The following GGA3 variants were observed in gnomAD, a reference collection of about 807,000 sequenced individuals.
The protein encoded by GGA3 is ADP-ribosylation factor-binding protein GGA3.
Under a neutral mutation model 77.5 loss-of-function variants are expected in GGA3, and 57 were observed. That is an observed-to-expected ratio of 0.74 (90% CI 0.59 to 0.92). The LOEUF (loss-of-function observed/expected upper bound fraction) is 0.92. Among genes scored for constraint, GGA3 ranks in the 40% least tolerant of loss-of-function variants. The probability of loss-of-function intolerance (pLI) is 0.00; values close to 1 mark genes in which losing one functional copy is unlikely to be tolerated. For synonymous variants in GGA3, 416 were observed against 383.7 expected, an observed-to-expected ratio of 1.08 and a Z score of -0.98; for missense variants, 970 against 914.9, an observed-to-expected ratio of 1.06 and a Z score of -0.78.
At chr17:75,261,331 A>G (rs765597846) in intron 1 of GGA3, among the ~76,000 whole-genome samples, 65 of 152,242 alleles carry the variant, frequency 4.3e-4, no homozygotes, top group Non-Finnish European at 9.3e-4. Flanking sequence ...CGCGCGCCAG[A>G]GCAAGAGGAC....
At chr17:75,253,590 C>G (rs1598436327) in intron 1 of GGA3, among the ~76,000 whole-genome samples, 2 of 152,208 alleles carry the variant, frequency 1.3e-5, no homozygotes, top group Admixed American at 6.5e-5. Flanking sequence ...GGGCAAGTAC[C>G]CCTCAACCCC....
At chr17:75,250,816 G>A (rs931588347) in intron 1 of GGA3, among the ~76,000 whole-genome samples, 5 of 145,320 alleles carry the variant, frequency 3.4e-5, no homozygotes, top group Admixed American at 1.4e-4. Context: ...GGTGGCTCAC[G>A]CCTGTAATCC....
rs988513513 is a variant in GGA3, at chr17:75,238,037, C to T, written c.*242G>A. 2.3e-6 allele frequency: 3 copies of T among 1,313,732 alleles called. No individual in the cohort carries two copies. Among genetic ancestry groups the T allele is most frequent in the African/African-American group, 1.5e-5 (1 of 66,636 alleles). 81.4% of individuals were successfully genotyped at this position (1,313,732 alleles called of 1,614,324 possible). A position where few individuals can be genotyped will look rare whatever the true frequency, so the allele number is the denominator to read the frequency against. ...AGCAGTGAAGTCAGGGGCCACTCCGCACCCCTGACAGCATATGGCCACTTC... is the reference window on the plus strand; with the variant it reads ...AGCAGTGAAGTCAGGGGCCACTCCGTACCCCTGACAGCATATGGCCACTTC... On this transcript the variant is annotated 3_prime_UTR_variant, in exon 17 of 17. Coordinates refer to ENST00000537686, the MANE Select transcript of GGA3 (RefSeq NM_138619.4).
intron 3 of GGA3, among the ~76,000 whole-genome samples, chr17:75,245,957 G>A (rs993740559): frequency 5.9e-5 from 9 of 152,158 alleles, no homozygotes; most frequent in Non-Finnish European, 1.0e-4. Context: ...CTCAGATCTC[G>A]GCTGCTCTTT....
At chr17:75,249,078 C>T (rs1292650613) in intron 1 of GGA3, 1 of 848,100 alleles carries the variant, frequency 1.2e-6, no homozygotes, top group Non-Finnish European at 1.4e-6. Context: ...TTGAGTCTCG[C>T]TGTGTCACCC....
chr17:75,239,585 A>G lies in GGA3; in HGVS notation c.1584-14T>C. ...AAGCCCGAGGTCCTGGGAGGTGGGA[A>G]GGATGGAAAGCACGTCAGAGAGCCA... On this transcript the variant is annotated splice_polypyrimidine_tract_variant and intron_variant, in intron 13 of 16. Transcript: ENST00000537686. 1 of 1,549,526 alleles carries G rather than the reference A, an allele frequency of 6.5e-7. No homozygotes were observed. Among genetic ancestry groups the G allele is most frequent in the Non-Finnish European group, 8.7e-7 (1 of 1,144,204 alleles).
At chr17:75,240,477 G>T in intron 11 of GGA3, 65 bp from the exon 12 acceptor site, 1 of 1,049,666 alleles carries the variant, frequency 9.5e-7, no homozygotes, top group Non-Finnish European at 1.4e-6. Context: ...GCCCCGCCTT[G>T]CCTGAGGAGG....
At chr17:75,251,450 G>A (rs578245101) in intron 1 of GGA3, among the ~76,000 whole-genome samples, 31 of 152,066 alleles carry the variant, frequency 2.0e-4, no homozygotes, top group South Asian at 8.3e-4. Context: ...GCTCACACCC[G>A]CAATCCCAGC....
intron 4 of GGA3, among the ~76,000 whole-genome samples, chr17:75,244,181 T>C (rs1452266424): frequency 6.6e-6 from 1 of 152,182 alleles, no homozygotes; most frequent in Non-Finnish European, 1.5e-5. Context: ...TGGTAAAGTA[T>C]TCCCTCTGCT....
intron 1 of GGA3, among the ~76,000 whole-genome samples, chr17:75,250,652 A>G (rs2076929732): frequency 6.6e-6 from 1 of 151,520 alleles, no homozygotes; most frequent in Non-Finnish European, 1.5e-5. Flanking sequence ...AATCTCAGCT[A>G]CTTGAAGGCT....
intron 1 of GGA3, among the ~76,000 whole-genome samples, chr17:75,259,081 G>A (rs1037564708): frequency 1.3e-5 from 2 of 151,388 alleles, no homozygotes; most frequent in African/African-American, 2.4e-5. Flanking sequence ...AGCCTCCCGT[G>A]TAGCTGGGAC....
intron 1 of GGA3, among the ~76,000 whole-genome samples, chr17:75,255,657 TCCC>T (rs1389915323): frequency 6.6e-6 from 1 of 152,182 alleles, no homozygotes; most frequent in Non-Finnish European, 1.5e-5. Flanking sequence ...TCCTTACAAT[TCCC>T]CCATTTTACC....
intron 1 of GGA3, among the ~76,000 whole-genome samples, chr17:75,250,294 G>A (rs897119151): frequency 1.3e-5 from 2 of 152,132 alleles, no homozygotes. Context: ...GTCTATTTTC[G>A]AGTCTCTGTT....
intron 1 of GGA3, chr17:75,249,020 A>G: frequency 1.0e-6 from 1 of 982,454 alleles, no homozygotes; most frequent in Non-Finnish European, 1.2e-6. Context: ...TGCAAGGGGA[A>G]GATTCTGATG....
At chr17:75,240,714 C>A in intron 11 of GGA3, 98 bp downstream of exon 11, 1 of 1,337,266 alleles carries the variant, frequency 7.5e-7, no homozygotes, top group Non-Finnish European at 1.0e-6. Context: ...CCCACCCCAA[C>A]AGTCACACTG....
chr17:75,244,495 G>T, intron 4 of GGA3, 124 bp downstream of exon 4: 1 of 736,412 alleles, frequency 1.4e-6, no homozygotes. Flanking sequence ...AGCTCTCTAA[G>T]GACAAGACAC....
intron 11 of GGA3, 176 bp downstream of exon 11, chr17:75,240,636 G>A (rs1013794838): frequency 3.5e-5 from 26 of 743,192 alleles, no homozygotes; most frequent in South Asian, 1.1e-4. Context: ...AGAGTCCACC[G>A]GGAGGATGGC....
chr17:75,243,478 G>T lies in GGA3; in HGVS notation c.393C>A (p.Ile131=). 1 of 1,614,214 alleles carries T rather than the reference G, an allele frequency of 6.2e-7. No individual in the cohort carries two copies. The highest frequency in any genetic ancestry group is 8.5e-7 in the Non-Finnish European group (1 of 1,180,040). Residue 131 remains isoleucine (I), a synonymous_variant, in exon 5 of 17, where the codon ATC becomes ATA. Transcript: ENST00000537686. Reference sequence around the variant, plus strand: ...TCTTCAGCATGTGGTAGGCGTCTTTGATCTTTGCTTCTTCTGGCAGGGCCA... The same window carrying T: ...TCTTCAGCATGTGGTAGGCGTCTTTTATCTTTGCTTCTTCTGGCAGGGCCA... The part of the protein sequence containing the change: ...WTMALPEEAK[I]KDAYHMLKRQ...
At chr17:75,249,637 G>T (rs16967722) in intron 1 of GGA3, among the ~76,000 whole-genome samples, 6,685 of 152,124 alleles carry the variant, frequency 0.044, 356 homozygotes, top group African/African-American at 0.12. Flanking sequence ...AAGTCTACAG[G>T]GTACAAAAAT....
Sources: gnomAD v4.1 joint callset for allele counts (sites outside exome capture counted in the v4.1 genomes callset) on GRCh38, gnomAD v4.1.1 for gene constraint, MANE v1.5 for transcripts, NCBI Gene and HGNC (gene_info 2026-07-23, HGNC 2026-07-21) for gene names.